HS3ST2: variants seen among roughly 807,000 people sequenced by gnomAD.
HS3ST2 encodes the protein heparan sulfate-glucosamine 3-sulfotransferase 2.
Under a neutral mutation model 26.3 loss-of-function variants are expected in HS3ST2, and 17 were observed. That is an observed-to-expected ratio of 0.65 (90% CI 0.44 to 0.97). The LOEUF (loss-of-function observed/expected upper bound fraction) is 0.97. Ranked by LOEUF, HS3ST2 falls within the 50% of genes least tolerant of loss-of-function variation. HS3ST2 has a pLI of 0.00. For synonymous variants in HS3ST2, 237 were observed against 219.2 expected (o/e 1.08, Z -0.72); for missense variants, 402 against 501.2 (o/e 0.80, Z 1.89).
At chr16:22,823,641 G>C (rs1901036429) in intron 1 of HS3ST2, among the ~76,000 whole-genome samples, 1 of 148,390 alleles carries the variant, frequency 6.7e-6, no homozygotes, top group Admixed American at 6.7e-5. Flanking sequence ...AAAAAAATTA[G>C]CCAGGCATGG....
At chr16:22,844,037 GCA>G (rs746139543) in intron 1 of HS3ST2, among the ~76,000 whole-genome samples, 1,430 of 132,534 alleles carry the variant, frequency 0.011, 20 homozygotes, top group African/African-American at 0.036. Flanking sequence ...ACACACACAC[GCA>G]CACACACACA....
chr16:22,814,661 G>A lies in HS3ST2; in HGVS notation c.51G>A (p.Ala17=). ...GRAGPPQPRR[A]RRLLFAFTLS... ...CGGGGCCACCTCAGCCGCGGAGGGCGCGCAGGCTGCTCTTCGCCTTCACGC... is the reference window on the plus strand; with the variant it reads ...CGGGGCCACCTCAGCCGCGGAGGGCACGCAGGCTGCTCTTCGCCTTCACGC... The change falls in exon 1 of 2, where the codon GCG becomes GCA. Residue 17 remains alanine, a synonymous_variant. Coordinates refer to ENST00000261374, the MANE Select transcript of HS3ST2 (RefSeq NM_006043.2). The A allele has an allele frequency of 6.4e-7, 1 of 1,572,004 alleles. No individual in the cohort carries two copies. The highest frequency in any genetic ancestry group is 8.6e-7 in the Non-Finnish European group (1 of 1,160,318).
Position 22,814,654 on chromosome 16 carries a change from G to A in HS3ST2, c.44G>A (p.Arg15Gln), listed in dbSNP as rs1012229502. 5 of 1,564,746 alleles carry A rather than the reference G, an allele frequency of 3.2e-6. No individual in the cohort carries two copies. Among genetic ancestry groups the A allele is most frequent in the Non-Finnish European group, 4.3e-6 (5 of 1,156,366 alleles). Residue 15 changes from arginine (R) to glutamine (Q), a missense_variant, in exon 1 of 2, where the codon CGG becomes CAG. By Grantham distance (43) the Arg-to-Gln change is conservative. Transcript: ENST00000261374. Reference protein sequence around the residue: ...VLGRAGPPQPRRARRLLFAFT... With the variant: ...VLGRAGPPQPQRARRLLFAFT... The stretch of plus-strand genomic sequence containing the variant: ...GGCCGCGCGGGGCCACCTCAGCCGC[G>A]GAGGGCGCGCAGGCTGCTCTTCGCC...
chr16:22,831,298 T>C (rs1901163728), intron 1 of HS3ST2, among the ~76,000 whole-genome samples: 1 of 152,238 alleles, frequency 6.6e-6, no homozygotes, highest in Admixed American at 6.5e-5. Context: ...CCTGCTTTGA[T>C]GGAACTATAT....
chr16:22,885,525 G>C (rs1902048309), intron 1 of HS3ST2, among the ~76,000 whole-genome samples: 1 of 150,820 alleles, frequency 6.6e-6, no homozygotes, highest in Non-Finnish European at 1.5e-5. Context: ...GTGGGATCTC[G>C]GCTCACGGCA....
At chr16:22,861,400 T>C (rs1299988202) in intron 1 of HS3ST2, among the ~76,000 whole-genome samples, 1 of 151,772 alleles carries the variant, frequency 6.6e-6, no homozygotes, top group Non-Finnish European at 1.5e-5. Context: ...ACAGAACCTG[T>C]ACTTGCTGGA....
At chr16:22,905,231 G>A (rs1340801632) in intron 1 of HS3ST2, among the ~76,000 whole-genome samples, 3 of 152,146 alleles carry the variant, frequency 2.0e-5, no homozygotes, top group African/African-American at 4.8e-5. Flanking sequence ...TGCCAGTTCT[G>A]TAAGTTTCCG....
intron 1 of HS3ST2, among the ~76,000 whole-genome samples, chr16:22,870,779 C>T (rs910440643): frequency 1.3e-5 from 2 of 152,140 alleles, no homozygotes; most frequent in African/African-American, 2.4e-5. Flanking sequence ...GGAAGTTTTC[C>T]CCAGCCACCC....
chr16:22,900,867 G>A (rs1902274611), intron 1 of HS3ST2, among the ~76,000 whole-genome samples: 1 of 152,122 alleles, frequency 6.6e-6, no homozygotes, highest in South Asian at 2.1e-4. Context: ...TGGAGCAAGA[G>A]GAGGATGAAT....
chr16:22,866,095 A>G (rs762817319), intron 1 of HS3ST2, among the ~76,000 whole-genome samples: 2 of 152,208 alleles, frequency 1.3e-5, no homozygotes, highest in African/African-American at 2.4e-5. Flanking sequence ...TTTAAAGCCC[A>G]GAACAACATG....
At chr16:22,901,784 G>A (rs570878565) in intron 1 of HS3ST2, among the ~76,000 whole-genome samples, 3 of 151,980 alleles carry the variant, frequency 2.0e-5, no homozygotes, top group Admixed American at 1.3e-4. Flanking sequence ...CTTCCTTCCC[G>A]CCCACACCTC....
chr16:22,819,436 C>A (rs1282752074), intron 1 of HS3ST2, among the ~76,000 whole-genome samples: 1 of 152,118 alleles, frequency 6.6e-6, no homozygotes, highest in African/African-American at 2.4e-5. Context: ...CTTTTATAAA[C>A]AGATATAAGC....
At chr16:22,816,748 A>C (rs1039931531) in intron 1 of HS3ST2, among the ~76,000 whole-genome samples, 2 of 152,224 alleles carry the variant, frequency 1.3e-5, no homozygotes, top group Admixed American at 6.5e-5. Flanking sequence ...AAACACATTG[A>C]ACAGCAGAGC....
At chr16:22,893,501 T>A (rs1902158202) in intron 1 of HS3ST2, among the ~76,000 whole-genome samples, 1 of 152,160 alleles carries the variant, frequency 6.6e-6, no homozygotes, top group Non-Finnish European at 1.5e-5. Flanking sequence ...ATTTACTAAG[T>A]GCTTTTTCAG....
intron 1 of HS3ST2, among the ~76,000 whole-genome samples, chr16:22,822,716 G>A (rs560733093): frequency 2.2e-4 from 34 of 152,158 alleles, no homozygotes; most frequent in Admixed American, 3.9e-4. Context: ...TTAGCTGGGC[G>A]TGGTGGCGTG....
At chr16:22,853,562 T>C (rs1901547929) in intron 1 of HS3ST2, among the ~76,000 whole-genome samples, 1 of 152,142 alleles carries the variant, frequency 6.6e-6, no homozygotes, top group Non-Finnish European at 1.5e-5. Flanking sequence ...CCCATGATAA[T>C]GATAAGTGCT....
chr16:22,907,371 T>C (rs983264891), intron 1 of HS3ST2, among the ~76,000 whole-genome samples: 2 of 152,182 alleles, frequency 1.3e-5, no homozygotes, highest in East Asian at 1.9e-4. Context: ...TTAGGATACA[T>C]GATTGGATTC....
At chr16:22,825,530 A>G (rs1467877219) in intron 1 of HS3ST2, among the ~76,000 whole-genome samples, 1 of 152,206 alleles carries the variant, frequency 6.6e-6, no homozygotes, top group African/African-American at 2.4e-5. Context: ...TAGCATGGAA[A>G]GGAGAGAAAA....
chr16:22,834,622 T>G (rs947920687), intron 1 of HS3ST2, among the ~76,000 whole-genome samples: 1 of 148,764 alleles, frequency 6.7e-6, no homozygotes. Context: ...CCAATGATTT[T>G]CCTCAGAATA....
Sources: allele counts gnomAD v4.1 joint callset (sites outside exome capture counted in the v4.1 genomes callset), GRCh38; gene constraint gnomAD v4.1.1; transcripts MANE v1.5; gene names NCBI Gene and HGNC (gene_info 2026-07-23, HGNC 2026-07-21).